The following ULK4 variants were observed in gnomAD, a reference collection of about 807,000 sequenced individuals.
ULK4 encodes the protein inactive serine/threonine-protein kinase ULK4.
In ULK4, 133 loss-of-function variants were observed where a neutral mutation model predicts 160.6. The observed-to-expected ratio is 0.83, with a 90% confidence interval of 0.72 to 0.96. ULK4 has a LOEUF of 0.96. Ranked by LOEUF, ULK4 falls within the 40% of genes least tolerant of loss-of-function variation. ULK4 has a pLI of 0.00. For synonymous variants in ULK4, 534 were observed against 539.8 expected (o/e 0.99, Z 0.15); for missense variants, 1,580 against 1,499.5 (o/e 1.05, Z -0.89).
intron 35 of ULK4, among the ~76,000 whole-genome samples, chr3:41,362,801 A>G (rs377656175): frequency 6.6e-5 from 10 of 152,266 alleles, no homozygotes; most frequent in African/African-American, 2.4e-4. Context: ...TCTGATTAAC[A>G]GTCGGTGACA....
intron 31 of ULK4, among the ~76,000 whole-genome samples, chr3:41,571,249 G>A (rs926047880): frequency 8.5e-5 from 13 of 152,166 alleles, no homozygotes; most frequent in South Asian, 4.1e-4. Flanking sequence ...CACAGTAATT[G>A]CTTCTGCTCA....
intron 22 of ULK4, among the ~76,000 whole-genome samples, chr3:41,736,612 G>A (rs1378007695): frequency 7.9e-5 from 12 of 151,212 alleles, no homozygotes; most frequent in Non-Finnish European, 1.3e-4. Flanking sequence ...AGATGAGTAG[G>A]TTGCAAAAAT....
At chr3:41,574,582 C>T (rs2088123040) in intron 31 of ULK4, among the ~76,000 whole-genome samples, 2 of 145,392 alleles carry the variant, frequency 1.4e-5, no homozygotes, top group African/African-American at 2.6e-5. Flanking sequence ...TGCTCTGCCA[C>T]CCAGGCTGCA....
At chr3:41,603,494 G>C (rs1162607410) in intron 31 of ULK4, among the ~76,000 whole-genome samples, 1 of 151,934 alleles carries the variant, frequency 6.6e-6, no homozygotes, top group Non-Finnish European at 1.5e-5. Flanking sequence ...CAAGCAACAG[G>C]ATCTAACCAA....
At chr3:41,907,488 A>G (rs934416529) in intron 12 of ULK4, among the ~76,000 whole-genome samples, 6 of 151,886 alleles carry the variant, frequency 4.0e-5, no homozygotes, top group Non-Finnish European at 8.8e-5. Context: ...TTATGAGGAC[A>G]GGGTCTCGCT....
intron 5 of ULK4, among the ~76,000 whole-genome samples, chr3:41,928,565 G>GC (rs1553688255): frequency 7.0e-6 from 1 of 142,022 alleles, no homozygotes; most frequent in Non-Finnish European, 1.5e-5. Context: ...TCTAGGAGCT[G>GC]TTTTTTTTTA....
intron 19 of ULK4, among the ~76,000 whole-genome samples, chr3:41,817,066 CTGTGTGTG>C (rs55996693): frequency 4.0e-5 from 6 of 148,878 alleles, no homozygotes; most frequent in African/African-American, 1.5e-4. Context: ...TGTGGGGAAA[CTGTGTGTG>C]TGTGTGTGTG....
rs903760678 is a variant in ULK4 at position 41,665,952 on chromosome 3, G to A, written c.2979-2253C>T. Among the ~76,000 whole-genome samples, 8 of 152,238 alleles carry A rather than the reference G, an allele frequency of 5.3e-5. No individual in the cohort carries two copies. In the East Asian group the frequency reaches 1.5e-3, roughly 29 times the overall value. On this transcript the variant is annotated intron_variant, in intron 29 of 36. Coordinates refer to ENST00000301831, the MANE Select transcript of ULK4 (RefSeq NM_017886.4). Reference sequence around the variant, plus strand: ...ACTCCCAACTATGGTTTATTACAGTGAAAGGATGCAGATTAAAATCAGCAA... The same window carrying A: ...ACTCCCAACTATGGTTTATTACAGTAAAAGGATGCAGATTAAAATCAGCAA...
intron 31 of ULK4, among the ~76,000 whole-genome samples, chr3:41,611,165 C>T (rs1190040762): frequency 6.6e-6 from 1 of 152,194 alleles, no homozygotes; most frequent in Non-Finnish European, 1.5e-5. Context: ...TGCCTTAGTG[C>T]GGTACACCGT....
rs565728134 is a variant in ULK4, at chr3:41,493,545, A to G, written c.3227-30292T>C. On this transcript the variant is annotated intron_variant, in intron 32 of 36. Transcript: ENST00000301831. The stretch of plus-strand genomic sequence containing the variant: ...TAGAAAAGCAAGAGCAAACACATTC[A>G]AAAGCTACCAGAAGGCAAGAAATAA... Among the ~76,000 whole-genome samples, 7 of 121,800 alleles carry G rather than the reference A, an allele frequency of 5.7e-5. 1 individual carries two copies. Among genetic ancestry groups the G allele is most frequent in the African/African-American group, 1.9e-4 (6 of 31,718 alleles). 79.9% of individuals were successfully genotyped at this position (121,800 alleles called of 152,430 possible).
intron 11 of ULK4, among the ~76,000 whole-genome samples, chr3:41,910,842 AG>A (rs1559644390): frequency 6.6e-6 from 1 of 152,082 alleles, no homozygotes; most frequent in Non-Finnish European, 1.5e-5. Flanking sequence ...ACACACCTGT[AG>A]TCATAGCTAC....
intron 35 of ULK4, among the ~76,000 whole-genome samples, chr3:41,341,760 C>T (rs1479680543): frequency 6.6e-6 from 1 of 152,178 alleles, no homozygotes; most frequent in South Asian, 2.1e-4. Context: ...TGCTAAGCAT[C>T]CCCACGGAGA....
intron 34 of ULK4, among the ~76,000 whole-genome samples, chr3:41,424,831 C>CAAAAAAAAAAAAAAAAA (rs36097613): frequency 5.6e-4 from 35 of 62,376 alleles, no homozygotes; most frequent in East Asian, 1.2e-3. Flanking sequence ...AAGAAATCAT[C>CAAAAAAAAAAAAAAAAA]AAAAAAAAAA....
intron 30 of ULK4, among the ~76,000 whole-genome samples, chr3:41,655,417 A>G (rs2034900543): frequency 6.6e-6 from 1 of 151,480 alleles, no homozygotes; most frequent in African/African-American, 2.4e-5. Context: ...TAGGAGATAT[A>G]CCTAATGCTA....
intron 19 of ULK4, among the ~76,000 whole-genome samples, chr3:41,810,535 C>A (rs1427982162): frequency 6.6e-6 from 1 of 152,122 alleles, no homozygotes; most frequent in African/African-American, 2.4e-5. Context: ...GTGGCAATGG[C>A]CAGAAGTGGT....
intron 2 of ULK4, among the ~76,000 whole-genome samples, chr3:41,951,131 C>G (rs1273787462): frequency 9.6e-6 from 1 of 104,622 alleles, no homozygotes; most frequent in South Asian, 3.5e-4. Flanking sequence ...GAGGACAGAG[C>G]GAGGCTTCGT....
Position 41,534,494 on chromosome 3 carries a change from T to C in ULK4, c.3226+31531A>G, listed in dbSNP as rs148317942. Among the ~76,000 whole-genome samples, 809 of 139,922 alleles carry C rather than the reference T, an allele frequency of 5.8e-3. 5 individuals carry two copies. Among genetic ancestry groups the C allele is most frequent in the African/African-American group, 0.015 (533 of 36,292 alleles). 91.8% of individuals were successfully genotyped at this position (139,922 alleles called of 152,430 possible). On this transcript the variant is annotated intron_variant, in intron 32 of 36. Transcript: ENST00000301831. ...TTTTTATAATTCTCTAAATGTTTCATTTAAAAGAGAAAATGTTTAAGCAAA... is the reference window on the plus strand; with the variant it reads ...TTTTTATAATTCTCTAAATGTTTCACTTAAAAGAGAAAATGTTTAAGCAAA...
chr3:41,467,723 A>T (rs186807378), intron 32 of ULK4, among the ~76,000 whole-genome samples: 3 of 152,366 alleles, frequency 2.0e-5, no homozygotes, highest in Admixed American at 2.0e-4. Flanking sequence ...ATTCTATGAA[A>T]TAAGTTGTAT....
chr3:41,616,389 C>G (rs1378923093), intron 30 of ULK4, among the ~76,000 whole-genome samples: 1 of 152,110 alleles, frequency 6.6e-6, no homozygotes, highest in Non-Finnish European at 1.5e-5. Context: ...GTCTGCAGCT[C>G]CCAGCAAGAC....
Sources: gnomAD v4.1 joint callset for allele counts (sites outside exome capture counted in the v4.1 genomes callset) on GRCh38, gnomAD v4.1.1 for gene constraint, MANE v1.5 for transcripts, NCBI Gene and HGNC (gene_info 2026-07-23, HGNC 2026-07-21) for gene names.